Variants in NSD1 observed in about 807,000 individuals in gnomAD.
NSD1 encodes the protein histone-lysine N-methyltransferase, H3 lysine-36 specific.
NSD1 carries 26 observed loss-of-function variants against 242.7 expected under a neutral mutation model. That is an observed-to-expected ratio of 0.11 (90% CI 0.08 to 0.15). The LOEUF is 0.15. NSD1 is among the 10% of genes least tolerant of loss of function. The probability of loss-of-function intolerance (pLI) is 1.00; values close to 1 mark genes in which losing one functional copy is unlikely to be tolerated. For synonymous variants in NSD1, 1,106 were observed against 1,178.1 expected (o/e 0.94, Z 1.25); for missense variants, 2,495 against 3,272.8 (o/e 0.76, Z 5.80).
chr5:177,158,998 T>TTATATATATATA (rs10564918), intron 2 of NSD1, among the ~76,000 whole-genome samples: 138 of 122,570 alleles, frequency 1.1e-3, no homozygotes, highest in African/African-American at 4.4e-3. Flanking sequence ...ATGAATGATT[T>TTATATATATATA]TATATATATA....
chr5:177,283,704 A>G (rs1415992823), intron 19 of NSD1, 83 bp from the exon 20 acceptor site: 2 of 1,486,718 alleles, frequency 1.3e-6, no homozygotes, highest in East Asian at 2.3e-5. Context: ...TAGAAACTCC[A>G]ACTTATTAGA....
intron 5 of NSD1, among the ~76,000 whole-genome samples, chr5:177,214,668 CT>C (rs35392696): frequency 0.65 from 79,943 of 123,418 alleles, 24,564 homozygotes; most frequent in East Asian, 0.93. Flanking sequence ...ACAGGATCAC[CT>C]TTTTTTTTTT....
chr5:177,241,041 A>G (rs1182661385), intron 8 of NSD1, among the ~76,000 whole-genome samples: 1 of 152,072 alleles, frequency 6.6e-6, no homozygotes, highest in Non-Finnish European at 1.5e-5. Context: ...AATAAATGAA[A>G]TTTTTGTGTG....
chr5:177,189,749 TCC>T (rs1389874387), intron 2 of NSD1, among the ~76,000 whole-genome samples: 1 of 152,162 alleles, frequency 6.6e-6, no homozygotes, highest in Non-Finnish European at 1.5e-5. Context: ...ATAAGCAAGT[TCC>T]ATATTTAGCA....
In NSD1 at chr5:177,246,786, C is replaced by T. The variant is rs1766333203; in HGVS notation, c.4487C>T (p.Pro1496Leu). 2 of 1,610,962 alleles carry T rather than the reference C, an allele frequency of 1.2e-6. No homozygotes were observed. The highest frequency in any genetic ancestry group is 1.7e-5 in the Admixed American group (1 of 59,980). Residue 1496 changes from proline (P) to leucine (L), a missense_variant, in exon 10 of 23, where the codon CCA becomes CTA. By Grantham distance (98) the Pro-to-Leu change is moderately conservative. This residue lies in a region of NSD1 where 97 missense variants were observed against 97.7 expected (regional missense o/e 0.99). Coordinates refer to ENST00000439151, the MANE Select transcript of NSD1 (RefSeq NM_022455.5). ...AATGATGACTCGTCAAAAGAGATTC[C>T]AGGCTCAGAGGTATTACTCAGTTCC... is the stretch of plus-strand genomic sequence containing the variant. ...VKNDDSSKEIPGSEGELMPHR... is the reference protein window; with the variant it reads ...VKNDDSSKEILGSEGELMPHR...
intron 2 of NSD1, among the ~76,000 whole-genome samples, chr5:177,148,479 C>T (rs1019373353): frequency 6.6e-6 from 1 of 152,074 alleles, no homozygotes; most frequent in Admixed American, 6.6e-5. Context: ...GGCTGGAGGG[C>T]AGTGGCGCGA....
chr5:177,215,155 A>C (rs922035925), intron 5 of NSD1, among the ~76,000 whole-genome samples: 2 of 151,636 alleles, frequency 1.3e-5, no homozygotes, highest in Non-Finnish European at 2.9e-5. Context: ...ATGGATATGC[A>C]GATATCTCTG....
chr5:177,240,626 T>C (rs1006555900), intron 8 of NSD1, among the ~76,000 whole-genome samples: 1 of 151,934 alleles, frequency 6.6e-6, no homozygotes, highest in Non-Finnish European at 1.5e-5. Flanking sequence ...GGCAGGAGAA[T>C]GGTGTGAACC....
At chr5:177,230,363 T>C (rs550139102) in intron 5 of NSD1, among the ~76,000 whole-genome samples, 2 of 152,290 alleles carry the variant, frequency 1.3e-5, no homozygotes, top group East Asian at 1.9e-4. Flanking sequence ...TGTCACCTAA[T>C]AGATGTATCC....
At chr5:177,183,526 T>C (rs1419676781) in intron 2 of NSD1, among the ~76,000 whole-genome samples, 2 of 152,212 alleles carry the variant, frequency 1.3e-5, no homozygotes, top group Non-Finnish European at 2.9e-5. Context: ...ATATTTATGA[T>C]ATACATGAGA....
chr5:177,269,424 T>G lies in NSD1; in HGVS notation c.5304-178T>G, dbSNP rs562212020. ...CTGTGTGGGAATGTGGGCAGATGTTTTCCAGCTTCTAGCACATACGACTTG... is the reference window on the plus strand; with the variant it reads ...CTGTGTGGGAATGTGGGCAGATGTTGTCCAGCTTCTAGCACATACGACTTG... On this transcript the variant is annotated intron_variant, in intron 15 of 22. Coordinates refer to ENST00000439151, the MANE Select transcript of NSD1 (RefSeq NM_022455.5). The surrounding 1 kb of genome is among the most constrained non-coding windows in gnomAD (Gnocchi z 5.1). Among the ~76,000 whole-genome samples, 1 of 152,322 alleles carries G rather than the reference T, an allele frequency of 6.6e-6. No homozygotes were observed. The highest frequency in any genetic ancestry group is 1.9e-4 in the East Asian group (1 of 5,188).
intron 8 of NSD1, among the ~76,000 whole-genome samples, chr5:177,242,296 T>C (rs1765934673): frequency 6.6e-6 from 1 of 152,120 alleles, no homozygotes; most frequent in African/African-American, 2.4e-5. Flanking sequence ...AGAAATGTAT[T>C]TTGTGGATTT....
Position 177,135,900 on chromosome 5 carries a change from C to A in NSD1, c.797C>A (p.Thr266Lys), listed in dbSNP as rs768661990. 6.2e-7 allele frequency: 1 copy of A among 1,611,972 alleles called. No homozygotes were observed. The highest frequency in any genetic ancestry group is 1.1e-5 in the South Asian group (1 of 90,994). ...APFSLGDTNITIEEQLNSINL... is the reference protein window; with the variant it reads ...APFSLGDTNIKIEEQLNSINL... The stretch of plus-strand genomic sequence containing the variant: ...TTTTCACTAGGAGACACAAACATTA[C>A]AATAGAAGAGCAATTAAACTCAATA... Residue 266 changes from threonine to lysine, a missense_variant, in exon 2 of 23, where the codon ACA becomes AAA. By Grantham distance (78) the Thr-to-Lys change is moderately conservative. Transcript: ENST00000439151.
At chr5:177,285,603 T>C (rs2127265889) in intron 20 of NSD1, among the ~76,000 whole-genome samples, 1 of 151,234 alleles carries the variant, frequency 6.6e-6, no homozygotes, top group African/African-American at 2.4e-5. Flanking sequence ...ATAAACGTTG[T>C]ACATTTTGAA....
At chr5:177,152,319 GTGTATGTATGTATGTATGTATGTATGTA>G (rs57114836) in intron 2 of NSD1, among the ~76,000 whole-genome samples, 5 of 128,128 alleles carry the variant, frequency 3.9e-5, no homozygotes, top group African/African-American at 8.1e-5. Context: ...TTGTGTGTGT[GTGTATGTATGTATGTATGTATGTATGTA>G]TGTATGTATG....
rs768658200 is a variant in NSD1, at chr5:177,210,203, T to C, written c.1804T>C (p.Cys602Arg). ...GLPEGALISK[C>R]SREKNKPQRS... is the part of the protein sequence containing the mutation. ...GCCTGAGGGTGCTTTGATCTCAAAG[T>C]GTTCTCGAGAGAAGAATAAACCCCA... Residue 602 changes from cysteine (C) to arginine (R), a missense_variant, in exon 5 of 23, where the codon TGT becomes CGT. This residue lies in a region of NSD1 where 515 missense variants were observed against 467.0 expected (regional missense o/e 1.10). Coordinates refer to ENST00000439151, the MANE Select transcript of NSD1 (RefSeq NM_022455.5). 1 of 1,596,410 alleles carries C rather than the reference T, an allele frequency of 6.3e-7. No homozygotes were observed. The highest frequency in any genetic ancestry group is 1.7e-4 in the Middle Eastern group (1 of 5,946).
chr5:177,189,055 C>A (rs971722665), intron 2 of NSD1, among the ~76,000 whole-genome samples: 2 of 151,970 alleles, frequency 1.3e-5, no homozygotes, highest in African/African-American at 2.4e-5. Context: ...AAAAAACACA[C>A]AAAAAACCAA....
Position 177,291,922 on chromosome 5 carries a change from A to G in NSD1, c.6259-32A>G, listed in dbSNP as rs1759866097. 1.9e-6 allele frequency: 3 copies of G among 1,601,118 alleles called. No individual in the cohort carries two copies. In the South Asian group the frequency reaches 3.3e-5, roughly 18 times the overall value. The stretch of plus-strand genomic sequence containing the variant: ...TTAAGATTGGTACTAATGTGTTCAC[A>G]GAATGCTGACTGTTCAATATCTGAC... On this transcript the variant is annotated intron_variant, in intron 21 of 22. Transcript: ENST00000439151.
intron 16 of NSD1, among the ~76,000 whole-genome samples, chr5:177,273,211 C>T (rs910667775): frequency 1.3e-5 from 2 of 150,398 alleles, no homozygotes; most frequent in Non-Finnish European, 2.9e-5. Flanking sequence ...TCTCATCTAA[C>T]GCACAGTTGT....
Sources: allele counts gnomAD v4.1 joint callset (sites outside exome capture counted in the v4.1 genomes callset), GRCh38; gene constraint gnomAD v4.1.1; regional missense constraint gnomAD v4.1.1; non-coding constraint Gnocchi (gnomAD v3.1); transcripts MANE v1.5; gene names NCBI Gene and HGNC (gene_info 2026-07-23, HGNC 2026-07-21).